The following LARS2 variants were observed in gnomAD, a reference collection of about 807,000 sequenced individuals.
The protein encoded by LARS2 is leucine--tRNA ligase, mitochondrial.
A neutral mutation model predicts 116.6 loss-of-function variants in LARS2; 81 were observed. The observed-to-expected ratio is 0.69, with a 90% CI of 0.58 to 0.84. LARS2 has a LOEUF of 0.84. Among genes scored for constraint, LARS2 ranks in the 40% least tolerant of loss-of-function variants. LARS2 has a pLI of 0.00. For missense variants in LARS2, 968 were observed against 1,114.5 expected, an observed-to-expected ratio of 0.87 and a Z score of 1.87; for synonymous variants, 396 against 407.2, an observed-to-expected ratio of 0.97 and a Z score of 0.33.
At chr3:45,490,791 A>T (rs1241171397) in intron 12 of LARS2, among the ~76,000 whole-genome samples, 1 of 152,250 alleles carries the variant, frequency 6.6e-6, no homozygotes, top group Admixed American at 6.5e-5. Context: ...CCAGGTTGTT[A>T]CCAAGCCACA....
chr3:45,415,744 A>G (rs1310494327), intron 4 of LARS2, among the ~76,000 whole-genome samples: 14 of 151,750 alleles, frequency 9.2e-5, no homozygotes, highest in Admixed American at 9.2e-4. Context: ...GCTACTGGGG[A>G]GGCTCAGGCA....
At chr3:45,463,371 C>T (rs981440521) in intron 8 of LARS2, among the ~76,000 whole-genome samples, 1 of 152,210 alleles carries the variant, frequency 6.6e-6, no homozygotes, top group Non-Finnish European at 1.5e-5. Context: ...CTTAGTCAAC[C>T]CCCATACCAA....
intron 4 of LARS2, among the ~76,000 whole-genome samples, chr3:45,409,326 G>A (rs1432781076): frequency 6.6e-6 from 1 of 152,154 alleles, no homozygotes; most frequent in Non-Finnish European, 1.5e-5. Context: ...AAAGGAATTG[G>A]AATTCTAAAA....
Position 45,500,585 on chromosome 3 carries a change from C to T in LARS2, c.1760+6C>T. ...CAAAAAATGGTTAAACATAGGTAAG[C>T]ACTTATACTGCTTTGCAAAATAATT... is the stretch of plus-strand genomic sequence containing the variant. On this transcript the variant is annotated splice_donor_region_variant and intron_variant, in intron 15 of 21. Coordinates refer to ENST00000645846, the MANE Select transcript of LARS2 (RefSeq NM_015340.4). 6.5e-7 allele frequency: 1 copy of T among 1,547,306 alleles called. No individual in the cohort carries two copies. Among genetic ancestry groups the T allele is most frequent in the Non-Finnish European group, 8.7e-7 (1 of 1,154,596 alleles).
rs77811012 is a variant in LARS2 at position 45,432,268 on chromosome 3, G to A, written c.516+12539G>A. ...GAACAACCAGACAGAAAATAAGTAAGGAAATAGGGGACTTGAAAAATGTAA... is the reference window on the plus strand; with the variant it reads ...GAACAACCAGACAGAAAATAAGTAAAGAAATAGGGGACTTGAAAAATGTAA... On this transcript the variant is annotated intron_variant, in intron 6 of 21. Transcript: ENST00000645846. Among the ~76,000 whole-genome samples the A allele has an allele frequency of 4.1e-3, 618 of 152,174 alleles. 7 individuals are homozygous for A. The highest frequency in any genetic ancestry group is 0.014 in the African/African-American group (571 of 41,538).
chr3:45,503,428 G>A (rs1700150711), intron 15 of LARS2, among the ~76,000 whole-genome samples: 1 of 152,096 alleles, frequency 6.6e-6, no homozygotes, highest in Non-Finnish European at 1.5e-5. Context: ...TAGGCTTTAG[G>A]TTTGGTGTCC....
intron 20 of LARS2, among the ~76,000 whole-genome samples, chr3:45,539,704 T>C (rs1352034235): frequency 6.6e-6 from 1 of 152,194 alleles, no homozygotes; most frequent in Non-Finnish European, 1.5e-5. Flanking sequence ...TTACTACCAA[T>C]GTTATTACTA....
chr3:45,430,583 CTTTTTTT>C (rs35964512), intron 6 of LARS2, among the ~76,000 whole-genome samples: 2 of 90,408 alleles, frequency 2.2e-5, no homozygotes, highest in Non-Finnish European at 2.2e-5. Flanking sequence ...CCCGGCCAAT[CTTTTTTT>C]TTTTTTTTTT....
chr3:45,400,969 A>C (rs1698137233), intron 4 of LARS2, among the ~76,000 whole-genome samples: 1 of 151,762 alleles, frequency 6.6e-6, no homozygotes, highest in Non-Finnish European at 1.5e-5. Context: ...GCCCACCACC[A>C]CGCCTGGCTA....
chr3:45,474,255 G>A lies in LARS2; in HGVS notation c.763G>A (p.Ala255Thr), dbSNP rs201911936. 4.5e-5 allele frequency: 73 copies of A among 1,608,280 alleles called. No individual in the cohort carries two copies. Among genetic ancestry groups the A allele is most frequent in the South Asian group, 8.8e-5 (8 of 90,458 alleles). Residue 255 changes from alanine (A) to threonine (T), a missense_variant, in exon 9 of 22, where the codon GCG (alanine) becomes ACG (threonine). Coordinates refer to ENST00000645846, the MANE Select transcript of LARS2 (RefSeq NM_015340.4). ...TTCATTTGCACAGGCCATGCAGGAC[G>A]CGTTGGCAGACCTTCCAGAATGGTA... The part of the protein sequence containing the change: ...TTAYAKAMQD[A>T]LADLPEWYGI...
intron 16 of LARS2, among the ~76,000 whole-genome samples, chr3:45,513,765 A>C (rs1181252474): frequency 6.6e-6 from 1 of 152,050 alleles, no homozygotes; most frequent in Non-Finnish European, 1.5e-5. Context: ...AGCTCTCCCA[A>C]GCCTTTTCCT....
intron 6 of LARS2, among the ~76,000 whole-genome samples, chr3:45,436,168 G>C (rs758952920): frequency 1.3e-5 from 2 of 152,014 alleles, no homozygotes; most frequent in African/African-American, 2.4e-5. Context: ...TTGCATCCGT[G>C]GAATTGATGA....
At chr3:45,507,597 A>G (rs765520480) in intron 15 of LARS2, among the ~76,000 whole-genome samples, 10 of 152,178 alleles carry the variant, frequency 6.6e-5, no homozygotes, top group Admixed American at 2.0e-4. Context: ...CGTGGAGCAC[A>G]CTTATACAAC....
Position 45,476,572 on chromosome 3 carries a change from A to C in LARS2, c.963A>C (p.Leu321=). Residue 321 remains leucine (L), a synonymous_variant, in exon 10 of 22, where the codon CTA becomes CTC. Transcript: ENST00000645846. ...HVAISPSHRL[L]HGHSSLKEAL... is the part of the protein sequence containing the mutation. ...CCATCTCGCCCAGCCACAGACTCCT[A>C]CATGGGCACAGCTCTCTGAAGGAAG... 6.2e-7 allele frequency: 1 copy of C among 1,614,180 alleles called. No individual in the cohort carries two copies. Among genetic ancestry groups the C allele is most frequent in the Non-Finnish European group, 8.5e-7 (1 of 1,180,022 alleles).
chr3:45,516,826 C>T (rs138962463), intron 17 of LARS2, among the ~76,000 whole-genome samples: 2,238 of 152,226 alleles, frequency 0.015, 31 homozygotes, highest in Admixed American at 0.024. Flanking sequence ...CTTCATCTCC[C>T]CACTTAGGGG....
At chr3:45,416,877 A>C (rs186147142) in intron 4 of LARS2, among the ~76,000 whole-genome samples, 1 of 152,142 alleles carries the variant, frequency 6.6e-6, no homozygotes, top group African/African-American at 2.4e-5. Context: ...GATCGAGACC[A>C]TCCTGGCTGA....
intron 19 of LARS2, among the ~76,000 whole-genome samples, chr3:45,523,545 T>A (rs1700486484): frequency 6.6e-6 from 1 of 151,322 alleles, no homozygotes; most frequent in African/African-American, 2.4e-5. Flanking sequence ...TTTTTTTTTT[T>A]AAAGATAGGG....
chr3:45,541,214 G>A (rs1006284476), intron 20 of LARS2, among the ~76,000 whole-genome samples: 3 of 152,134 alleles, frequency 2.0e-5, no homozygotes, highest in South Asian at 2.1e-4. Flanking sequence ...TCTGGGAAAC[G>A]GGGCTTGAGA....
At chr3:45,433,362 T>C (rs934864651) in intron 6 of LARS2, among the ~76,000 whole-genome samples, 5 of 152,112 alleles carry the variant, frequency 3.3e-5, no homozygotes, top group African/African-American at 1.2e-4. Flanking sequence ...ATTGAACCTT[T>C]TTTAGAATTC....
Sources: gnomAD v4.1 joint callset for allele counts (sites outside exome capture counted in the v4.1 genomes callset) on GRCh38, gnomAD v4.1.1 for gene constraint, MANE v1.5 for transcripts, NCBI Gene and HGNC (gene_info 2026-07-23, HGNC 2026-07-21) for gene names.